Variants in FAF1 observed in about 807,000 individuals in gnomAD.
FAF1 encodes the protein FAS-associated factor 1.
Under a neutral mutation model 92.5 loss-of-function variants are expected in FAF1, and 25 were observed. The observed-to-expected ratio is 0.27, with a 90% CI of 0.20 to 0.38. The LOEUF (loss-of-function observed/expected upper bound fraction) is 0.38, where lower values mean the gene tolerates loss of function less well. FAF1 is among the 10% of genes least tolerant of loss of function. The pLI is 1.00. For missense variants in FAF1, 636 were observed against 793.3 expected (o/e 0.80, Z 2.38); for synonymous variants, 234 against 273.2 (o/e 0.86, Z 1.42).
At chr1:50,554,191 T>TG (rs1173620162) in intron 13 of FAF1, among the ~76,000 whole-genome samples, 2 of 150,764 alleles carry the variant, frequency 1.3e-5, no homozygotes, top group African/African-American at 4.9e-5. Flanking sequence ...GGCAAGATCA[T>TG]GGGAAAAAAA....
chr1:50,609,861 T>C, intron 8 of FAF1, among the ~76,000 whole-genome samples: 1 of 151,534 alleles, frequency 6.6e-6, no homozygotes, highest in Non-Finnish European at 1.5e-5. Flanking sequence ...ATGAAAAGAA[T>C]AAAGAGAACA....
intron 4 of FAF1, among the ~76,000 whole-genome samples, chr1:50,749,837 A>G (rs1659781688): frequency 6.6e-6 from 1 of 152,004 alleles, no homozygotes; most frequent in African/African-American, 2.4e-5. Flanking sequence ...CTTCTTCTGC[A>G]AAGTGGAAAT....
intron 7 of FAF1, among the ~76,000 whole-genome samples, chr1:50,684,257 C>CT (rs756495229): frequency 0.068 from 7,789 of 114,328 alleles, 360 homozygotes; most frequent in African/African-American, 0.13. Flanking sequence ...TTCCAACAGA[C>CT]TTTTTTTTTT....
chr1:50,812,226 C>T (rs1298706204), intron 2 of FAF1, among the ~76,000 whole-genome samples: 2 of 152,112 alleles, frequency 1.3e-5, no homozygotes, highest in Non-Finnish European at 2.9e-5. Context: ...AACTAGAGAG[C>T]TTCTGCACAG....
chr1:50,710,160 T>C (rs181456442), intron 6 of FAF1, among the ~76,000 whole-genome samples: 10 of 152,302 alleles, frequency 6.6e-5, no homozygotes, highest in African/African-American at 2.4e-4. Flanking sequence ...TACATATGAA[T>C]CTATGCATAT....
chr1:50,585,619 C>T (rs1019217319), intron 9 of FAF1, among the ~76,000 whole-genome samples: 7 of 152,022 alleles, frequency 4.6e-5, no homozygotes, highest in African/African-American at 1.2e-4. Context: ...GGTAAGAAGA[C>T]GGTCCAAGCA....
intron 6 of FAF1, among the ~76,000 whole-genome samples, chr1:50,734,626 C>T (rs943158617): frequency 4.0e-5 from 6 of 151,210 alleles, no homozygotes; most frequent in Non-Finnish European, 4.4e-5. Context: ...CCCAGCTACT[C>T]GGGAGGCTGA....
chr1:50,687,052 C>T (rs757498523), intron 7 of FAF1, among the ~76,000 whole-genome samples: 21 of 152,126 alleles, frequency 1.4e-4, no homozygotes, highest in Non-Finnish European at 2.8e-4. Flanking sequence ...TGGACTCGAA[C>T]TCCTGACCTC....
intron 7 of FAF1, among the ~76,000 whole-genome samples, chr1:50,690,355 C>T (rs1439586335): frequency 3.3e-5 from 5 of 152,102 alleles, no homozygotes; most frequent in Admixed American, 6.5e-5. Context: ...CCTGTAATTC[C>T]AGTACTTTGG....
At chr1:50,614,859 A>T (rs1168721792) in intron 8 of FAF1, among the ~76,000 whole-genome samples, 1 of 151,568 alleles carries the variant, frequency 6.6e-6, no homozygotes, top group Non-Finnish European at 1.5e-5. Context: ...AAAAAAAAAA[A>T]GTTTCCCAGC....
At chr1:50,469,286 C>G (rs556875881) in intron 18 of FAF1, among the ~76,000 whole-genome samples, 2 of 152,144 alleles carry the variant, frequency 1.3e-5, no homozygotes, top group African/African-American at 4.8e-5. Context: ...CACTCTCAAG[C>G]AAGTAATTTC....
At chr1:50,780,681 G>T in intron 4 of FAF1, 1 of 272,176 alleles carries the variant, frequency 3.7e-6, no homozygotes, top group South Asian at 3.9e-5. Context: ...GGACTATGAT[G>T]AGCATGTGCT....
At chr1:50,787,837 G>A (rs948909650) in intron 4 of FAF1, among the ~76,000 whole-genome samples, 163 bp downstream of exon 4, 2 of 151,996 alleles carry the variant, frequency 1.3e-5, no homozygotes, top group African/African-American at 4.8e-5. Flanking sequence ...TCTCAACACA[G>A]TATTTAAAAA....
At chr1:50,737,930 AAC>A (rs1162065147) in intron 6 of FAF1, among the ~76,000 whole-genome samples, 1 of 152,210 alleles carries the variant, frequency 6.6e-6, no homozygotes, top group Non-Finnish European at 1.5e-5. Flanking sequence ...TCTAAAAATA[AAC>A]ATAGTTCTGG....
At chr1:50,919,550 C>T (rs574639510) in intron 1 of FAF1, among the ~76,000 whole-genome samples, 21 of 150,914 alleles carry the variant, frequency 1.4e-4, no homozygotes, top group Admixed American at 6.6e-4. Flanking sequence ...TGCAGTGGCA[C>T]GGTCTCGGCT....
chr1:50,486,445 T>C (rs555935787), intron 17 of FAF1, among the ~76,000 whole-genome samples: 2 of 152,148 alleles, frequency 1.3e-5, no homozygotes, highest in South Asian at 4.1e-4. Flanking sequence ...CATCCAACCA[T>C]CCATCCATCT....
chr1:50,629,922 G>A (rs1215705183), intron 8 of FAF1, among the ~76,000 whole-genome samples: 1 of 152,042 alleles, frequency 6.6e-6, no homozygotes, highest in Non-Finnish European at 1.5e-5. Context: ...GCCAGGCATA[G>A]TGGCACATGC....
chr1:50,791,153 A>T (rs1468332207), intron 3 of FAF1, among the ~76,000 whole-genome samples: 1 of 152,228 alleles, frequency 6.6e-6, no homozygotes, highest in Non-Finnish European at 1.5e-5. Flanking sequence ...TCTTGTACAA[A>T]AAAACATGGG....
intron 7 of FAF1, among the ~76,000 whole-genome samples, chr1:50,686,864 T>G (rs1001098994): frequency 6.6e-6 from 1 of 152,196 alleles, no homozygotes; most frequent in South Asian, 2.1e-4. Context: ...CACCACATTC[T>G]GTCGCCCACG....
Sources: gnomAD v4.1 joint callset for allele counts (sites outside exome capture counted in the v4.1 genomes callset) on GRCh38, gnomAD v4.1.1 for gene constraint, MANE v1.5 for transcripts, NCBI Gene and HGNC (gene_info 2026-07-23, HGNC 2026-07-21) for gene names.